Variants in GRM4 observed in about 807,000 individuals in gnomAD.
GRM4 encodes glutamate metabotropic receptor 4.
A neutral mutation model predicts 81.7 loss-of-function variants in GRM4; 28 were observed. That is an observed-to-expected ratio of 0.34 (90% CI 0.25 to 0.47). GRM4 has a LOEUF of 0.47. Among genes scored for constraint, GRM4 ranks in the 20% least tolerant of loss-of-function variants. GRM4 has a pLI of 1.00. For synonymous variants in GRM4, 488 were observed against 528.8 expected (o/e 0.92, Z 1.06); for missense variants, 948 against 1,290.0 (o/e 0.73, Z 4.06).
intron 2 of GRM4, among the ~76,000 whole-genome samples, chr6:34,124,053 A>AAG (rs1212075750): frequency 1.3e-5 from 2 of 152,204 alleles, no homozygotes; most frequent in Non-Finnish European, 2.9e-5. Context: ...CTGCTCAGGG[A>AAG]CCATCTGCCC....
At chr6:34,025,074 G>A (rs942678782) in intron 10 of GRM4, among the ~76,000 whole-genome samples, 1 of 152,166 alleles carries the variant, frequency 6.6e-6, no homozygotes, top group African/African-American at 2.4e-5. Flanking sequence ...TAGTTGCTGG[G>A]AGGCCTCACA....
intron 2 of GRM4, among the ~76,000 whole-genome samples, chr6:34,112,583 G>A (rs191269533): frequency 4.6e-5 from 7 of 152,250 alleles, no homozygotes; most frequent in Admixed American, 4.6e-4. Flanking sequence ...TGGGGAGTGT[G>A]AGCTTCCCCC....
intron 1 of GRM4, 36 bp downstream of exon 1, chr6:34,145,964 C>G (rs891089982): frequency 4.1e-5 from 40 of 983,088 alleles, no homozygotes; most frequent in African/African-American, 1.0e-4. Flanking sequence ...GAAGCCCCCC[C>G]CTTCCTCCTC....
intron 3 of GRM4, among the ~76,000 whole-genome samples, chr6:34,077,813 C>G (rs962345125): frequency 1.9e-4 from 29 of 152,320 alleles, no homozygotes; most frequent in African/African-American, 6.3e-4. Context: ...CTCCAGGAAG[C>G]CTTTATGGGT....
rs771005826 is a variant in GRM4, at chr6:34,068,854, G to A, written c.737-6826C>T. 2.0e-5 allele frequency among the ~76,000 whole-genome samples: 3 copies of A among 152,166 alleles called. No homozygotes were observed. The highest frequency in any genetic ancestry group is 2.9e-5 in the Non-Finnish European group (2 of 68,004). On this transcript the variant is annotated intron_variant, in intron 3 of 10. Transcript: ENST00000538487. This position sits in a 1 kb window ranked among gnomAD's most constrained non-coding sequence, Gnocchi z 4.2. ...GCTCGCTCTGGTGGTCTCCAGGCCC[G>A]GCCTCTCGGGGCCCAGCCAGCTGGT... is the stretch of plus-strand genomic sequence containing the variant.
chr6:34,073,661 A>G (rs1767154912), intron 3 of GRM4, among the ~76,000 whole-genome samples: 1 of 151,620 alleles, frequency 6.6e-6, no homozygotes, highest in African/African-American at 2.4e-5. Flanking sequence ...CCACCCTCAC[A>G]CTGCCTGGTG....
chr6:34,117,206 C>T (rs1010130293), intron 2 of GRM4, among the ~76,000 whole-genome samples: 8 of 152,158 alleles, frequency 5.3e-5, no homozygotes, highest in Non-Finnish European at 7.3e-5. Flanking sequence ...GAGCATTCTT[C>T]GGGGCAGGTG....
chr6:34,073,144 CA>C (rs1767086242), intron 3 of GRM4, among the ~76,000 whole-genome samples: 2 of 136,362 alleles, frequency 1.5e-5, no homozygotes, highest in African/African-American at 2.9e-5. Context: ...CACACACACA[CA>C]CATCACCACA....
chr6:34,098,145 CA>C (rs1421112071), intron 2 of GRM4, among the ~76,000 whole-genome samples: 1 of 152,178 alleles, frequency 6.6e-6, no homozygotes, highest in East Asian at 1.9e-4. Context: ...ACTGCATCAG[CA>C]AATATGCAAA....
intron 1 of GRM4, among the ~76,000 whole-genome samples, chr6:34,134,423 C>T (rs1435745415): frequency 6.6e-6 from 1 of 152,122 alleles, no homozygotes; most frequent in African/African-American, 2.4e-5. Context: ...AAATAAGGCC[C>T]CCTCAAGAAA....
At chr6:34,084,780 T>C (rs1466148543) in intron 3 of GRM4, among the ~76,000 whole-genome samples, 1 of 152,186 alleles carries the variant, frequency 6.6e-6, no homozygotes, top group Non-Finnish European at 1.5e-5. Flanking sequence ...AGGCTTTTGT[T>C]CCTACTGTTC....
intron 6 of GRM4, among the ~76,000 whole-genome samples, chr6:34,053,199 A>G (rs1765695543): frequency 6.6e-6 from 1 of 152,176 alleles, no homozygotes; most frequent in Admixed American, 6.5e-5. Context: ...GAAGTTAGAT[A>G]ACTTGTCCAA....
intron 2 of GRM4, among the ~76,000 whole-genome samples, chr6:34,099,595 C>T (rs1581695192): frequency 1.3e-5 from 2 of 152,286 alleles, no homozygotes; most frequent in Admixed American, 1.3e-4. Context: ...GCCTTCAGCC[C>T]TGACCAGGCC....
intron 2 of GRM4, among the ~76,000 whole-genome samples, chr6:34,104,898 A>T (rs541884948): frequency 6.6e-6 from 1 of 152,226 alleles, no homozygotes; most frequent in East Asian, 1.9e-4. Flanking sequence ...GACAATCCTC[A>T]CACAGGCCGT....
At chr6:34,110,358 C>T (rs1021759431) in intron 2 of GRM4, among the ~76,000 whole-genome samples, 5 of 151,254 alleles carry the variant, frequency 3.3e-5, no homozygotes, top group East Asian at 1.9e-4. Flanking sequence ...GCCCTCCCCA[C>T]GTTGAAGGAA....
Position 34,112,928 on chromosome 6 carries a change from G to T in GRM4, c.519+20050C>A, listed in dbSNP as rs574041547. Among the ~76,000 whole-genome samples, 652 of 152,236 alleles carry T rather than the reference G, an allele frequency of 4.3e-3. 5 individuals are homozygous for T. Among genetic ancestry groups the T allele is most frequent in the African/African-American group, 0.014 (580 of 41,530 alleles). ...CAGCTTTGAATCCACTTATGTTTTC[G>T]CCAGGGCCATCTTTTGGAGTCACAG... On this transcript the variant is annotated intron_variant, in intron 2 of 10. Transcript: ENST00000538487.
chr6:34,124,255 C>G (rs1448655430), intron 2 of GRM4, among the ~76,000 whole-genome samples: 2 of 152,180 alleles, frequency 1.3e-5, no homozygotes, highest in Non-Finnish European at 2.9e-5. Context: ...GGTCTCTGCA[C>G]GTGTTACTGC....
intron 2 of GRM4, chr6:34,110,950 C>CA: frequency 1.2e-6 from 1 of 863,962 alleles, no homozygotes; most frequent in Non-Finnish European, 1.5e-6. Context: ...TCCAGGGGAA[C>CA]GCTGTGCCCC....
intron 10 of GRM4, among the ~76,000 whole-genome samples, chr6:34,025,468 G>A (rs549859038): frequency 6.6e-6 from 1 of 152,244 alleles, no homozygotes; most frequent in South Asian, 2.1e-4. Context: ...GGGCACCAGG[G>A]GCAGCTGCAG....
Sources: allele counts gnomAD v4.1 joint callset (sites outside exome capture counted in the v4.1 genomes callset), GRCh38; gene constraint gnomAD v4.1.1; non-coding constraint Gnocchi (gnomAD v3.1); transcripts MANE v1.5; gene names NCBI Gene and HGNC (gene_info 2026-07-23, HGNC 2026-07-21).